LMBRD2: variants seen among roughly 807,000 people sequenced by gnomAD.
The protein encoded by LMBRD2 is G protein-coupled receptor-associated protein LMBRD2.
LMBRD2 carries 55 observed loss-of-function variants against 94.4 expected under a neutral mutation model. The ratio of observed to expected loss-of-function variants is 0.58; its 90% confidence interval spans 0.47 to 0.73. The LOEUF is 0.73. LMBRD2 is among the 30% of genes least tolerant of loss of function. LMBRD2 has a pLI of 0.00. For missense variants in LMBRD2, 640 were observed against 831.9 expected (o/e 0.77, Z 2.84); for synonymous variants, 246 against 272.4 (o/e 0.90, Z 0.95).
chr5:36,104,106 C>G lies in LMBRD2; in HGVS notation c.2028G>C (p.Arg676Ser). The G allele has an allele frequency of 3.1e-6, 5 of 1,606,288 alleles. No individual in the cohort carries two copies. Among genetic ancestry groups the G allele is most frequent in the Non-Finnish European group, 4.3e-6 (5 of 1,174,272 alleles). The change falls in exon 18 of 18, where the codon AGG (arginine) becomes AGC (serine). Residue 676 changes from arginine (R) to serine (S), a missense_variant and splice_region_variant. This residue lies in a region of LMBRD2 where 183 missense variants were observed against 189.1 expected (regional missense o/e 0.97). Transcript: ENST00000296603. ...AGAGATATCGTCCACCAGGCTGATA[C>G]CTAAAAAGGGAACATAAAGAAATGA... The part of the protein sequence containing the change: ...TDDPLESESG[R>S]YQPGGRYLSM...
At chr5:36,118,804 C>T (rs1743819815) in intron 9 of LMBRD2, among the ~76,000 whole-genome samples, 1 of 151,946 alleles carries the variant, frequency 6.6e-6, no homozygotes, top group South Asian at 2.1e-4. Context: ...GCGTGTGCCA[C>T]CACTCCCATC....
chr5:36,142,645 C>G, intron 2 of LMBRD2, 46 bp from the exon 3 acceptor site: 1 of 1,074,434 alleles, frequency 9.3e-7, no homozygotes. Flanking sequence ...CAAAAGGTTA[C>G]CAAGTACTTA....
At chr5:36,118,181 C>A (rs1743803536) in intron 9 of LMBRD2, among the ~76,000 whole-genome samples, 1 of 152,106 alleles carries the variant, frequency 6.6e-6, no homozygotes, top group Non-Finnish European at 1.5e-5. Context: ...GAACTTGCGT[C>A]TAATTTTAAA....
intron 16 of LMBRD2, among the ~76,000 whole-genome samples, chr5:36,107,687 T>C (rs770805627): frequency 6.6e-6 from 1 of 152,206 alleles, no homozygotes; most frequent in Non-Finnish European, 1.5e-5. Context: ...GTATTCTTTT[T>C]CCACTCTCAG....
At chr5:36,113,384 G>T (rs1460885560) in intron 13 of LMBRD2, among the ~76,000 whole-genome samples, 1 of 152,010 alleles carries the variant, frequency 6.6e-6, no homozygotes, top group Non-Finnish European at 1.5e-5. Context: ...CGGGGATCTC[G>T]GTTTTTGGAC....
intron 6 of LMBRD2, 113 bp downstream of exon 6, chr5:36,136,196 G>A: frequency 1.1e-6 from 1 of 950,234 alleles, no homozygotes; most frequent in Non-Finnish European, 1.7e-6. Flanking sequence ...CACAACACCA[G>A]TTTTGCAGTC....
At chr5:36,108,134 C>T (rs899738085) in intron 16 of LMBRD2, among the ~76,000 whole-genome samples, 2 of 151,942 alleles carry the variant, frequency 1.3e-5, no homozygotes, top group East Asian at 1.9e-4. Context: ...TTGCTGTATA[C>T]CTGGGAATAT....
At chr5:36,124,644 A>C (rs2111877571) in intron 6 of LMBRD2, among the ~76,000 whole-genome samples, 1 of 152,334 alleles carries the variant, frequency 6.6e-6, no homozygotes, top group Middle Eastern at 3.4e-3. Flanking sequence ...ACAGTGAAAA[A>C]CCAGAGGAAG....
chr5:36,118,205 C>G (rs1743804501), intron 9 of LMBRD2, among the ~76,000 whole-genome samples: 1 of 152,070 alleles, frequency 6.6e-6, no homozygotes, highest in South Asian at 2.1e-4. Flanking sequence ...ACATCAAAGT[C>G]AAATTCAGGG....
Position 36,111,181 on chromosome 5 carries a change from TTAAC to T in LMBRD2, c.1714_1717del (p.Val572MetfsTer6). On this transcript the variant is annotated frameshift_variant, in exon 14 of 18. Transcript: ENST00000296603. LOFTEE classifies it high-confidence loss of function. ...TTTTCTGATTAATTCTTTTCCTTCA[TTAAC>T]TAAGTCTGATGTCATATCATCATCT... 6.2e-7 allele frequency: 1 copy of T among 1,608,122 alleles called. No homozygotes were observed. Among genetic ancestry groups the T allele is most frequent in the Non-Finnish European group, 8.5e-7 (1 of 1,175,926 alleles).
chr5:36,142,108 T>A (rs568968088), intron 3 of LMBRD2, among the ~76,000 whole-genome samples: 41 of 152,328 alleles, frequency 2.7e-4, no homozygotes, highest in African/African-American at 9.9e-4. Context: ...AGGAATACCA[T>A]AAGTTCAGAA....
Position 36,115,023 on chromosome 5 carries a change from A to G in LMBRD2, c.1534T>C (p.Tyr512His). 6.3e-7 allele frequency: 1 copy of G among 1,578,490 alleles called. No individual in the cohort carries two copies. The highest frequency in any genetic ancestry group is 8.7e-7 in the Non-Finnish European group (1 of 1,148,536). ...ISHKNTQPTA[Y>H]TSIMGSMKVL... ...TTTCTGACCGTACTTACAGATGTAT[A>G]AGCAGTTGGTTGAGTATTCTTGTGA... Residue 512 changes from tyrosine to histidine, a missense_variant, in exon 12 of 18, where the codon TAT becomes CAT. Tyr to His is a moderately conservative substitution (Grantham distance 83). Transcript: ENST00000296603.
At position 36,111,122 on chromosome 5, in the gene LMBRD2, T is replaced by C. The variant is rs777896328; in HGVS notation, c.1744+33A>G. On this transcript the variant is annotated intron_variant, in intron 14 of 17. Transcript: ENST00000296603. ...ATTTTGAGTCTTAGCACTTAGTATT[T>C]TCCCTTCATTTATTTTAAAAGACAA... 4 of 1,285,266 alleles carry C rather than the reference T, an allele frequency of 3.1e-6. No individual in the cohort carries two copies. In the East Asian group the frequency reaches 9.5e-5, roughly 30 times the overall value. 79.6% of individuals were successfully genotyped at this position (1,285,266 alleles called of 1,614,324 possible).
intron 16 of LMBRD2, 66 bp downstream of exon 16, chr5:36,108,468 C>G (rs1743524589): frequency 1.3e-6 from 1 of 753,346 alleles, no homozygotes; most frequent in Non-Finnish European, 2.2e-6. Flanking sequence ...TATTCTAACA[C>G]TCAATCTCTA....
chr5:36,126,749 C>CCAAACAGTTTTTATAAAACAAT (rs1744017645), intron 6 of LMBRD2, among the ~76,000 whole-genome samples: 1 of 152,040 alleles, frequency 6.6e-6, no homozygotes, highest in African/African-American at 2.4e-5. Flanking sequence ...CATAAAAATA[C>CCAAACAGTTTTTATAAAACAAT]CAAACAGTTT....
At chr5:36,142,007 C>T (rs544233996) in intron 3 of LMBRD2, among the ~76,000 whole-genome samples, 50 of 152,058 alleles carry the variant, frequency 3.3e-4, no homozygotes, top group Non-Finnish European at 6.0e-4. Flanking sequence ...CTTAAAAGTT[C>T]GATATGAATT....
chr5:36,119,868 C>T (rs1743845029), intron 9 of LMBRD2, among the ~76,000 whole-genome samples: 1 of 152,182 alleles, frequency 6.6e-6, no homozygotes, highest in Non-Finnish European at 1.5e-5. Flanking sequence ...CAGCTAGTTA[C>T]ATCTGTGCCT....
chr5:36,143,637 C>T (rs1744470583), intron 1 of LMBRD2, among the ~76,000 whole-genome samples: 1 of 152,036 alleles, frequency 6.6e-6, no homozygotes, highest in Admixed American at 6.5e-5. Context: ...TTTTCAAAAA[C>T]TTAACAAAAA....
At chr5:36,122,033 C>T (rs576753233) in intron 9 of LMBRD2, among the ~76,000 whole-genome samples, 1 of 152,138 alleles carries the variant, frequency 6.6e-6, no homozygotes, top group Admixed American at 6.5e-5. Flanking sequence ...AAAAAATATG[C>T]TTGATGTATA....
Sources: gnomAD v4.1 joint callset for allele counts (sites outside exome capture counted in the v4.1 genomes callset) on GRCh38, gnomAD v4.1.1 for gene constraint, gnomAD v4.1.1 regional missense constraint, MANE v1.5 for transcripts, NCBI Gene and HGNC (gene_info 2026-07-23, HGNC 2026-07-21) for gene names.